Variants in GATA6 observed in about 807,000 individuals in gnomAD.
GATA6 encodes the protein GATA binding protein 6.
Under a neutral mutation model 48.1 loss-of-function variants are expected in GATA6, and 11 were observed. The ratio of observed to expected loss-of-function variants is 0.23; its 90% CI spans 0.14 to 0.38. GATA6 has a LOEUF of 0.38. GATA6 is among the 10% of genes least tolerant of loss of function. GATA6 has a pLI of 1.00. For missense variants in GATA6, 795 were observed against 850.3 expected, an observed-to-expected ratio of 0.93 and a Z score of 0.81; for synonymous variants, 419 against 396.1, an observed-to-expected ratio of 1.06 and a Z score of -0.69.
chr18:22,194,709 G>GC (rs199909091), intron 6 of GATA6, among the ~76,000 whole-genome samples: 32 of 123,144 alleles, frequency 2.6e-4, no homozygotes, highest in Middle Eastern at 3.8e-3. Flanking sequence ...TCCCCCCTCC[G>GC]CCCCCCCCTC....
At chr18:22,193,942 C>T (rs1352485936) in intron 6 of GATA6, among the ~76,000 whole-genome samples, 1 of 152,136 alleles carries the variant, frequency 6.6e-6, no homozygotes, top group Non-Finnish European at 1.5e-5. Context: ...CTTGCCCTCC[C>T]CATTATGGGA....
intron 6 of GATA6, among the ~76,000 whole-genome samples, chr18:22,189,115 G>A (rs916726726): frequency 3.9e-5 from 6 of 152,034 alleles, no homozygotes; most frequent in Admixed American, 6.6e-5. Flanking sequence ...CATCGTTCCC[G>A]TCCCCTGTGT....
chr18:22,178,257 G>T (rs1209594755), intron 3 of GATA6, among the ~76,000 whole-genome samples: 1 of 152,082 alleles, frequency 6.6e-6, no homozygotes, highest in Non-Finnish European at 1.5e-5. Context: ...GAGCCACCGC[G>T]CCCGGCCACC....
intron 4 of GATA6, 104 bp from the exon 5 acceptor site, chr18:22,182,653 C>T (rs571320939): frequency 4.1e-5 from 34 of 832,872 alleles, no homozygotes; most frequent in Non-Finnish European, 6.3e-5. Context: ...CCACTGCACT[C>T]GGCCGCCAAA....
intron 2 of GATA6, among the ~76,000 whole-genome samples, chr18:22,175,958 T>C (rs1314732103): frequency 1.3e-5 from 2 of 152,248 alleles, no homozygotes; most frequent in African/African-American, 2.4e-5. Context: ...TTACAATAAG[T>C]ACCTTTCTCA....
chr18:22,188,377 A>G (rs2033289570), intron 6 of GATA6, among the ~76,000 whole-genome samples: 1 of 152,176 alleles, frequency 6.6e-6, no homozygotes, highest in Non-Finnish European at 1.5e-5. Flanking sequence ...AGAGTTGGAG[A>G]TGGCTCCGCA....
intron 6 of GATA6, among the ~76,000 whole-genome samples, chr18:22,190,255 T>C (rs1363190064): frequency 6.6e-6 from 1 of 152,100 alleles, no homozygotes; most frequent in African/African-American, 2.4e-5. Context: ...ACTAAGAATA[T>C]GGCAGTTGGG....
Position 22,171,991 on chromosome 18 carries a change from G to A in GATA6, c.847G>A (p.Ala283Thr). The change falls in exon 2 of 7, where the codon GCG becomes ACG. Residue 283 changes from alanine (A) to threonine (T), a missense_variant. Around this residue, in one of 5 missense-constraint regions of GATA6, gnomAD observed 591 missense variants for 570.0 expected, o/e 1.04. Transcript: ENST00000269216. This position sits in a 1 kb window ranked among gnomAD's most constrained non-coding sequence, Gnocchi z 7.1. ...NGAAREPGGYAAAGSGGAGGV... is the reference protein window; with the variant it reads ...NGAAREPGGYTAAGSGGAGGV... The stretch of plus-strand genomic sequence containing the variant: ...CGCCGCGCGGGAGCCGGGAGGCTAC[G>A]CGGCGGCGGGCAGTGGGGGCGCGGG... 2 of 1,225,562 alleles carry A rather than the reference G, an allele frequency of 1.6e-6. No homozygotes were observed. Among genetic ancestry groups the A allele is most frequent in the Admixed American group, 4.3e-5 (1 of 23,234 alleles). The allele number at this position is 1,225,562 out of a possible 1,614,324, so 75.9% of individuals were successfully genotyped here. A position where few individuals can be genotyped will look rare whatever the true frequency, so the allele number is the denominator to read the frequency against.
At position 22,172,317 on chromosome 18, in the gene GATA6, A is replaced by G. The variant is rs1273552353; in HGVS notation, c.1135+38A>G. On this transcript the variant is annotated intron_variant, in intron 2 of 6. Coordinates refer to ENST00000269216, the MANE Select transcript of GATA6 (RefSeq NM_005257.6). This position sits in a 1 kb window ranked among gnomAD's most constrained non-coding sequence, Gnocchi z 5.2. ...CCTCAGGTTCGGGGTGCGGGTCCAAAGCGCTGGGGCGCACGGGGGACGTGG... is the reference window on the plus strand; with the variant it reads ...CCTCAGGTTCGGGGTGCGGGTCCAAGGCGCTGGGGCGCACGGGGGACGTGG... The G allele has an allele frequency of 2.0e-6, 3 of 1,519,446 alleles. No homozygotes were observed. The highest frequency in any genetic ancestry group is 4.0e-5 in the Admixed American group (2 of 50,098). 94.1% of individuals were successfully genotyped at this position (1,519,446 alleles called of 1,614,324 possible).
intron 6 of GATA6, among the ~76,000 whole-genome samples, chr18:22,188,652 C>CTGGA (rs758904865): frequency 9.2e-5 from 14 of 152,180 alleles, no homozygotes; most frequent in Non-Finnish European, 1.9e-4. Context: ...TGTCTGTACA[C>CTGGA]TGGAGTCCAA....
At chr18:22,179,375 T>A (rs769151187) in intron 3 of GATA6, among the ~76,000 whole-genome samples, 5 of 152,260 alleles carry the variant, frequency 3.3e-5, no homozygotes, top group Admixed American at 6.5e-5. Flanking sequence ...TAACTTGAAT[T>A]CCTTGTCAGT....
intron 6 of GATA6, among the ~76,000 whole-genome samples, chr18:22,195,030 G>A (rs1216824698): frequency 6.6e-6 from 1 of 152,070 alleles, no homozygotes; most frequent in Non-Finnish European, 1.5e-5. Flanking sequence ...GCCGAGTGTA[G>A]TGGTGGGCGC....
Position 22,176,742 on chromosome 18 carries a change from G to A in GATA6, c.1136-213G>A, listed in dbSNP as rs1418297021. ...CCCGGAGTCTCTACTGGGGCGCTCC[G>A]GGTGTGCAGAAGTATTGGACAAATG... On this transcript the variant is annotated intron_variant, in intron 2 of 6. Transcript: ENST00000269216. The A allele has an allele frequency of 1.6e-5, 9 of 549,622 alleles. No individual in the cohort carries two copies. The Admixed American group carries it at 3.2e-4, about 20-fold the overall frequency. The allele number at this position is 549,622 out of a possible 1,614,324, so 34.0% of individuals were successfully genotyped here.
Position 22,170,268 on chromosome 18 carries a change from C to T in GATA6, c.-38+586C>T, listed in dbSNP as rs1053104354. Among the ~76,000 whole-genome samples, 51 of 152,206 alleles carry T rather than the reference C, an allele frequency of 3.4e-4. 1 individual carries two copies. The highest frequency in any genetic ancestry group is 4.1e-4 in the South Asian group (2 of 4,836). ...CCGATTCCGGAACGGTCCGGCGTTT[C>T]TGCTGCTGGAGATGACCGCGGGGTG... On this transcript the variant is annotated intron_variant, in intron 1 of 6. Coordinates refer to ENST00000269216, the MANE Select transcript of GATA6 (RefSeq NM_005257.6). The surrounding 1 kb of genome is among the most constrained non-coding windows in gnomAD (Gnocchi z 6.7).
Position 22,177,003 on chromosome 18 carries a change from C to T in GATA6, c.1184C>T (p.Ser395Phe), listed in dbSNP as rs1318460860. ...AGCCGCGAGTGCGTGAACTGCGGCT[C>T]CATCCAGACGCCGCTGTGGCGGCGG... ...SESRECVNCG[S>F]IQTPLWRRDG... Residue 395 changes from serine to phenylalanine, a missense_variant, in exon 3 of 7, where the codon TCC (serine) becomes TTC (phenylalanine). By Grantham distance (155) the Ser-to-Phe change is radical (BLOSUM62 -2). This residue lies in a region of GATA6 where 76 missense variants were observed against 113.1 expected (regional missense o/e 0.67). Coordinates refer to ENST00000269216, the MANE Select transcript of GATA6 (RefSeq NM_005257.6). The T allele has an allele frequency of 2.5e-6, 4 of 1,575,896 alleles. No homozygotes were observed. The Admixed American group carries it at 5.4e-5, about 21-fold the overall frequency.
intron 6 of GATA6, among the ~76,000 whole-genome samples, chr18:22,187,017 T>A (rs1178298609): frequency 6.6e-6 from 1 of 152,118 alleles, no homozygotes; most frequent in Non-Finnish European, 1.5e-5. Flanking sequence ...AAATATTGCC[T>A]ATTTTTTTCT....
chr18:22,178,022 C>A (rs1415524594), intron 3 of GATA6, among the ~76,000 whole-genome samples: 1 of 126,806 alleles, frequency 7.9e-6, no homozygotes, highest in Admixed American at 1.0e-4. Flanking sequence ...AGTGCAATGG[C>A]GCGATCTCGG....
chr18:22,175,706 CAT>C (rs2033112900), intron 2 of GATA6: 1 of 152,116 alleles, frequency 6.6e-6, no homozygotes, highest in African/African-American at 2.4e-5. Context: ...ATGCTAAAGT[CAT>C]ATTTAAATAT....
chr18:22,186,929 G>A (rs1293705119), intron 6 of GATA6, among the ~76,000 whole-genome samples: 2 of 152,208 alleles, frequency 1.3e-5, no homozygotes, highest in Non-Finnish European at 2.9e-5. Flanking sequence ...TATAGGCTGT[G>A]CATGTGCTGG....
Sources: gnomAD v4.1 joint callset for allele counts (sites outside exome capture counted in the v4.1 genomes callset) on GRCh38, gnomAD v4.1.1 for gene constraint, gnomAD v4.1.1 regional missense constraint, Gnocchi (gnomAD v3.1) non-coding constraint, MANE v1.5 for transcripts, NCBI Gene and HGNC (gene_info 2026-07-23, HGNC 2026-07-21) for gene names.